The following EPB41L5 variants were observed in gnomAD, a reference collection of about 807,000 sequenced individuals.
EPB41L5 encodes the protein band 4.1-like protein 5.
In EPB41L5, 55 loss-of-function variants were observed where a neutral mutation model predicts 106.6. The observed-to-expected ratio is 0.52, with a 90% confidence interval of 0.42 to 0.65. The LOEUF is 0.65. EPB41L5 is among the 30% of genes least tolerant of loss of function. The pLI, the probability that EPB41L5 is intolerant of heterozygous loss-of-function variation, is 0.00. For synonymous variants in EPB41L5, 297 were observed against 306.7 expected, an observed-to-expected ratio of 0.97 and a Z score of 0.33; for missense variants, 871 against 882.1, an observed-to-expected ratio of 0.99 and a Z score of 0.16.
At chr2:120,086,591 G>C (rs1041893128) in intron 10 of EPB41L5, among the ~76,000 whole-genome samples, 12 of 151,996 alleles carry the variant, frequency 7.9e-5, no homozygotes, top group Admixed American at 3.3e-4. Flanking sequence ...GCGAGATGCC[G>C]TCTCTACAAA....
intron 3 of EPB41L5, among the ~76,000 whole-genome samples, chr2:120,048,926 C>T (rs1332741564): frequency 2.6e-5 from 4 of 152,100 alleles, no homozygotes; most frequent in African/African-American, 9.7e-5. Context: ...GTTAGGTACC[C>T]AGTATTCATT....
intron 16 of EPB41L5, among the ~76,000 whole-genome samples, chr2:120,109,755 C>A (rs1574689247): frequency 1.3e-5 from 2 of 152,168 alleles, no homozygotes; most frequent in Non-Finnish European, 1.5e-5. Context: ...GCAATTCCTC[C>A]ATTTTTTTGT....
At chr2:120,042,718 T>C (rs914029957) in intron 3 of EPB41L5, among the ~76,000 whole-genome samples, 6 of 152,138 alleles carry the variant, frequency 3.9e-5, no homozygotes, top group Non-Finnish European at 7.4e-5. Flanking sequence ...AGTGGTTATA[T>C]CATTCAAACT....
Position 120,131,643 on chromosome 2 carries a change from C to T in EPB41L5, c.1527C>T (p.Leu509=), listed in dbSNP as rs544634225. ...YETLKDTSEK[L]KQLEMENSPL... is the part of the protein sequence containing the mutation. ...CATTAAAAGACACCTCAGAGAAGCTCAAACAGCTTGAGATGGAGAACAGTC... is the reference window on the plus strand; with the variant it reads ...CATTAAAAGACACCTCAGAGAAGCTTAAACAGCTTGAGATGGAGAACAGTC... Residue 509 remains leucine, a synonymous_variant, in exon 18 of 25, where the codon CTC becomes CTT. Coordinates refer to ENST00000263713, the MANE Select transcript of EPB41L5 (RefSeq NM_020909.4). 1.2e-6 allele frequency: 2 copies of T among 1,613,464 alleles called. No homozygotes were observed. The highest frequency in any genetic ancestry group is 2.7e-5 in the African/African-American group (2 of 74,850).
intron 3 of EPB41L5, among the ~76,000 whole-genome samples, chr2:120,070,486 C>A (rs986146900): frequency 1.3e-5 from 2 of 152,166 alleles, no homozygotes; most frequent in South Asian, 2.1e-4. Flanking sequence ...TTTTATGAGG[C>A]CAGCATCATC....
At chr2:120,041,873 C>T in intron 2 of EPB41L5, 133 bp from the exon 3 acceptor site, 1 of 539,646 alleles carries the variant, frequency 1.9e-6, no homozygotes, top group African/African-American at 1.9e-5. Context: ...GCATTATCTG[C>T]CACATGCTAA....
rs928970370 is a variant in EPB41L5 at position 120,106,315 on chromosome 2, G to T, written c.1337+5501G>T. The T allele has an allele frequency of 4.1e-6, 4 of 985,238 alleles. No individual in the cohort carries two copies. In the African/African-American group the frequency reaches 7.0e-5, roughly 17 times the overall value. 61.0% of individuals were successfully genotyped at this position (985,238 alleles called of 1,614,324 possible). ...TAAAATTAAACTTGTCTATTTTATA[G>T]AAGTTCCCATATGCTTCAGAATTTC... On this transcript the variant is annotated intron_variant, in intron 16 of 24. Transcript: ENST00000263713.
intron 16 of EPB41L5, among the ~76,000 whole-genome samples, chr2:120,125,214 G>T (rs1314841995): frequency 6.6e-6 from 1 of 152,048 alleles, no homozygotes; most frequent in African/African-American, 2.4e-5. Context: ...TATTTTTTCA[G>T]TGTGTTATTA....
intron 20 of EPB41L5, among the ~76,000 whole-genome samples, chr2:120,154,201 C>CT (rs1686803203): frequency 6.6e-6 from 1 of 151,834 alleles, no homozygotes; most frequent in African/African-American, 2.4e-5. Context: ...TCTTGTTGCC[C>CT]AGGCTGGAGG....
Position 120,175,200 on chromosome 2 carries a change from C to G in EPB41L5, c.*293C>G. On this transcript the variant is annotated 3_prime_UTR_variant, in exon 25 of 25. Coordinates refer to ENST00000263713, the MANE Select transcript of EPB41L5 (RefSeq NM_020909.4). ...CTTTTTCTGGGGTTTCCTTCAAACT[C>G]TTGGCTCCACCTAGCGGTTCTATTT... 2.7e-6 allele frequency: 1 copy of G among 370,644 alleles called. No individual in the cohort carries two copies. The highest frequency in any genetic ancestry group is 3.2e-5 in the South Asian group (1 of 31,430). 23.0% of individuals were successfully genotyped at this position (370,644 alleles called of 1,614,324 possible). A position where few individuals can be genotyped will look rare whatever the true frequency, so the allele number is the denominator to read the frequency against.
chr2:120,065,086 T>A (rs1434552579), intron 3 of EPB41L5, among the ~76,000 whole-genome samples: 3 of 152,128 alleles, frequency 2.0e-5, no homozygotes, highest in East Asian at 3.8e-4. Flanking sequence ...ATAACTATGA[T>A]CCTTTTTCTC....
chr2:120,046,012 T>C (rs971840907), intron 3 of EPB41L5, among the ~76,000 whole-genome samples: 1 of 152,206 alleles, frequency 6.6e-6, no homozygotes, highest in African/African-American at 2.4e-5. Context: ...GGCTGCATAG[T>C]ATTCCTTGGT....
In EPB41L5 at chr2:120,124,043, C is replaced by T. The variant is rs977539919; in HGVS notation, c.1338-3645C>T. ...GAAGAATAAAGAAGAGGAAAGGGGG[C>T]GAAGACTTACTTGGTTGGTTCTTTG... On this transcript the variant is annotated intron_variant, in intron 16 of 24. Coordinates refer to ENST00000263713, the MANE Select transcript of EPB41L5 (RefSeq NM_020909.4). Among the ~76,000 whole-genome samples the T allele has an allele frequency of 3.9e-5, 6 of 152,114 alleles. No homozygotes were observed. The East Asian group carries it at 7.7e-4, about 20-fold the overall frequency.
At chr2:120,066,934 T>C (rs1681482993) in intron 3 of EPB41L5, among the ~76,000 whole-genome samples, 1 of 152,216 alleles carries the variant, frequency 6.6e-6, no homozygotes, top group South Asian at 2.1e-4. Flanking sequence ...TGTTTACTGC[T>C]GTAGGTTGAA....
intron 3 of EPB41L5, among the ~76,000 whole-genome samples, chr2:120,053,086 T>A (rs1366426413): frequency 6.6e-6 from 1 of 152,224 alleles, no homozygotes; most frequent in African/African-American, 2.4e-5. Context: ...TTATTTTTTA[T>A]TTTTATTTTT....
At chr2:120,139,265 T>C (rs982488689) in intron 18 of EPB41L5, among the ~76,000 whole-genome samples, 1 of 151,880 alleles carries the variant, frequency 6.6e-6, no homozygotes, top group African/African-American at 2.4e-5. Context: ...CATCAGTCTA[T>C]GCAAAGATTT....
chr2:120,015,167 A>G (rs1367668426), intron 1 of EPB41L5, among the ~76,000 whole-genome samples: 1 of 151,946 alleles, frequency 6.6e-6, no homozygotes, highest in Non-Finnish European at 1.5e-5. Context: ...ACTAAAAAAA[A>G]TAACAAAAAA....
At chr2:120,115,854 G>T (rs1375697948) in intron 16 of EPB41L5, among the ~76,000 whole-genome samples, 2 of 152,152 alleles carry the variant, frequency 1.3e-5, no homozygotes, top group South Asian at 4.1e-4. Flanking sequence ...CTGTCACCCA[G>T]GCTGGAGTGC....
At chr2:120,040,023 G>A (rs1679300583) in intron 2 of EPB41L5, among the ~76,000 whole-genome samples, 1 of 151,600 alleles carries the variant, frequency 6.6e-6, no homozygotes, top group African/African-American at 2.4e-5. Flanking sequence ...TGTTTTAAAT[G>A]TAATTTTGTC....
Sources: allele counts gnomAD v4.1 joint callset (sites outside exome capture counted in the v4.1 genomes callset), GRCh38; gene constraint gnomAD v4.1.1; transcripts MANE v1.5; gene names NCBI Gene and HGNC (gene_info 2026-07-23, HGNC 2026-07-21).